PCDHA4: variants seen among roughly 807,000 people sequenced by gnomAD.
The protein encoded by PCDHA4 is protocadherin alpha 4, also known as protocadherin alpha-4.
PCDHA4 carries 49 observed loss-of-function variants against 61.4 expected under a neutral mutation model. The observed-to-expected ratio is 0.80, with a 90% CI of 0.63 to 1.01. The LOEUF (loss-of-function observed/expected upper bound fraction) is 1.01, where lower values mean the gene tolerates loss of function less well. Ranked by LOEUF, PCDHA4 falls within the 50% of genes least tolerant of loss-of-function variation. The pLI is 0.00. For missense variants in PCDHA4, 1,254 were observed against 1,235.8 expected (o/e 1.01, Z -0.22); for synonymous variants, 590 against 550.3 (o/e 1.07, Z -1.01).
chr5:140,941,202 C>CCTTTTCTTCCTTTCTTT (rs2092814043), intron 1 of PCDHA4, among the ~76,000 whole-genome samples: 1 of 122,742 alleles, frequency 8.1e-6, no homozygotes, highest in Non-Finnish European at 1.8e-5. Flanking sequence ...TTTCTTTCTT[C>CCTTTTCTTCCTTTCTTT]CTTTCTTTCT....
At chr5:140,933,073 T>C (rs1198976304) in intron 1 of PCDHA4, among the ~76,000 whole-genome samples, 1 of 152,026 alleles carries the variant, frequency 6.6e-6, no homozygotes, top group Non-Finnish European at 1.5e-5. Context: ...TAAAGTATTA[T>C]GGGAAGTAAG....
chr5:140,862,161 C>G (rs1463036699), intron 1 of PCDHA4: 1 of 163,458 alleles, frequency 6.1e-6, no homozygotes, highest in African/African-American at 2.4e-5. Context: ...ATGAAAGATT[C>G]AAATACAGGC....
At chr5:140,866,125 C>T (rs577622922) in intron 1 of PCDHA4, 6 of 152,174 alleles carry the variant, frequency 3.9e-5, no homozygotes, top group East Asian at 1.9e-4. Flanking sequence ...ATAAGAACTA[C>T]GTATCTGTTG....
intron 1 of PCDHA4, chr5:140,850,272 A>C: frequency 6.3e-7 from 1 of 1,594,726 alleles, no homozygotes; most frequent in Non-Finnish European, 8.6e-7. Context: ...AGTGGTGGGG[A>C]AGGTGCGCGC....
chr5:140,923,019 C>T (rs540025993), intron 1 of PCDHA4, among the ~76,000 whole-genome samples: 4 of 152,168 alleles, frequency 2.6e-5, no homozygotes, highest in South Asian at 2.1e-4. Context: ...ACTGCAGTTT[C>T]GGACTCTATT....
chr5:140,874,010 T>C (rs1002287481), intron 1 of PCDHA4, among the ~76,000 whole-genome samples: 7 of 152,208 alleles, frequency 4.6e-5, no homozygotes, highest in Non-Finnish European at 8.8e-5. Context: ...TTGACCACTT[T>C]TGAAAATGAA....
intron 1 of PCDHA4, chr5:140,834,368 A>G: frequency 6.4e-7 from 1 of 1,555,360 alleles, no homozygotes; most frequent in Non-Finnish European, 8.7e-7. Context: ...CTAGAAAAAC[A>G]AGCCAATAAT....
chr5:140,849,893 G>A, intron 1 of PCDHA4: 1 of 1,598,550 alleles, frequency 6.3e-7, no homozygotes, highest in Non-Finnish European at 8.6e-7. Context: ...TCGTGAAGGA[G>A]AACAACCCGC....
At chr5:140,848,653 GGCTGGA>G (rs2150416251) in intron 1 of PCDHA4, 2 of 1,592,726 alleles carry the variant, frequency 1.3e-6, no homozygotes, top group Non-Finnish European at 1.7e-6. Context: ...CAGGACCTGG[GGCTGGA>G]GCTGGCGGAG....
intron 1 of PCDHA4, chr5:140,865,199 T>C (rs776546973): frequency 1.2e-4 from 18 of 152,246 alleles, no homozygotes; most frequent in Admixed American, 9.2e-4. Context: ...ACCATATTAA[T>C]GTGAATTGCT....
intron 1 of PCDHA4, chr5:140,968,002 G>A: frequency 6.2e-7 from 1 of 1,614,208 alleles, no homozygotes; most frequent in South Asian, 1.1e-5. Flanking sequence ...CTTTCCGACT[G>A]AATGGCTTTG....
rs782517492 is a variant in PCDHA4, at chr5:140,857,455, A to G, written c.2385+47883A>G. The G allele has an allele frequency of 3.4e-5, 54 of 1,598,538 alleles. 6 individuals carry two copies. Among genetic ancestry groups the G allele is most frequent in the Admixed American group, 1.0e-4 (6 of 59,344 alleles). On this transcript the variant is annotated intron_variant, in intron 1 of 3. Transcript: ENST00000530339. ...TGTTCGTGAAGGAGAACAACCCGCC[A>G]GGCTGCCACATCTTCACGGTGTCTG...
chr5:140,865,511 T>C (rs868994454), intron 1 of PCDHA4: 1 of 152,226 alleles, frequency 6.6e-6, no homozygotes, highest in African/African-American at 2.4e-5. Flanking sequence ...TCCTACTTTA[T>C]GGTGCTGGAA....
Position 140,841,649 on chromosome 5 carries a change from G to C in PCDHA4, c.2385+32077G>C, listed in dbSNP as rs2150320047. On this transcript the variant is annotated intron_variant, in intron 1 of 3. Transcript: ENST00000530339. ...GTGCAGCATCCACCTGGAGGTGATC[G>C]TGGACAGGCCGCTGCAGGTTTTCCA... 3.1e-6 allele frequency: 5 copies of C among 1,614,050 alleles called. No homozygotes were observed. The South Asian group carries it at 4.4e-5, about 14-fold the overall frequency.
intron 1 of PCDHA4, chr5:140,967,546 C>T (rs199955615): frequency 6.8e-6 from 11 of 1,613,824 alleles, no homozygotes; most frequent in Non-Finnish European, 8.5e-6. Context: ...TTGACCAGTC[C>T]ACTTATCGCG....
In PCDHA4 at chr5:140,831,742, T is replaced by C. The variant is rs1341664447; in HGVS notation, c.2385+22170T>C. On this transcript the variant is annotated intron_variant, in intron 1 of 3. Coordinates refer to ENST00000530339, the MANE Select transcript of PCDHA4 (RefSeq NM_018907.4). ...TTGGTGTTATCCTCCCTTGCCTAAATTTCATCGCTACCAATTTTGTTTTGT... is the reference window on the plus strand; with the variant it reads ...TTGGTGTTATCCTCCCTTGCCTAAACTTCATCGCTACCAATTTTGTTTTGT... Among the ~76,000 whole-genome samples, 7 of 152,216 alleles carry C rather than the reference T, an allele frequency of 4.6e-5. No individual in the cohort carries two copies. In the South Asian group the frequency reaches 1.5e-3, roughly 32 times the overall value.
chr5:140,999,044 T>TTTC (rs1247197667), intron 3 of PCDHA4, among the ~76,000 whole-genome samples: 1 of 152,342 alleles, frequency 6.6e-6, no homozygotes, highest in East Asian at 1.9e-4. Flanking sequence ...TCCAGTGTGC[T>TTTC]TTCCACCATG....
At chr5:140,836,168 T>G in intron 1 of PCDHA4, 2 of 1,613,802 alleles carry the variant, frequency 1.2e-6, no homozygotes, top group African/African-American at 1.3e-5. Flanking sequence ...CGAAGGTACG[T>G]GCAGTTGACG....
At chr5:140,815,530 T>TACAC (rs2126665265) in intron 1 of PCDHA4, 1 of 102,342 alleles carries the variant, frequency 9.8e-6, no homozygotes, top group Non-Finnish European at 2.0e-5. Context: ...TTATATTGTG[T>TACAC]ATACATTATT....
Sources: gnomAD v4.1 joint callset for allele counts (sites outside exome capture counted in the v4.1 genomes callset) on GRCh38, gnomAD v4.1.1 for gene constraint, MANE v1.5 for transcripts, NCBI Gene and HGNC (gene_info 2026-07-23, HGNC 2026-07-21) for gene names.